The following HS6ST2 variants were observed in gnomAD, a reference collection of about 807,000 sequenced individuals.
HS6ST2 encodes the protein heparan-sulfate 6-O-sulfotransferase 2.
HS6ST2 carries 17 observed loss-of-function variants against 33.0 expected under a neutral mutation model. That is an observed-to-expected ratio of 0.52 (90% confidence interval 0.35 to 0.77). The LOEUF (loss-of-function observed/expected upper bound fraction) is 0.77. Ranked by LOEUF, HS6ST2 falls within the 30% of genes least tolerant of loss-of-function variation. The pLI, the probability that HS6ST2 is intolerant of heterozygous loss-of-function variation, is 0.01. For synonymous variants in HS6ST2, 248 were observed against 237.1 expected (o/e 1.05, Z -0.42); for missense variants, 519 against 551.7 (o/e 0.94, Z 0.59).
intron 3 of HS6ST2, among the ~76,000 whole-genome samples, chrX:132,671,038 T>C (rs754613351): frequency 8.9e-6 from 1 of 111,920 alleles, no homozygotes; most frequent in Non-Finnish European, 1.9e-5. Context: ...CTCACCAGAA[T>C]GTGGCCACAT....
chrX:132,684,939 G>A (rs1352018132), intron 3 of HS6ST2, among the ~76,000 whole-genome samples: 1 of 111,560 alleles, frequency 9.0e-6, no homozygotes. Context: ...CTATTCCTGG[G>A]AACAGGGCAT....
intron 2 of HS6ST2, among the ~76,000 whole-genome samples, chrX:132,890,836 C>T (rs945122216): frequency 9.0e-6 from 1 of 110,879 alleles, no homozygotes; most frequent in African/African-American, 3.3e-5. Flanking sequence ...GTACTTCTGC[C>T]TGGGCTTTGG....
At chrX:132,798,794 C>G (rs1165996234) in intron 2 of HS6ST2, among the ~76,000 whole-genome samples, 2 of 111,556 alleles carry the variant, frequency 1.8e-5, no homozygotes, top group Admixed American at 1.9e-4. Flanking sequence ...CTACAATGTC[C>G]CAAGCTCTCA....
At chrX:132,881,495 G>GC (rs1556484062) in intron 2 of HS6ST2, among the ~76,000 whole-genome samples, 2 of 110,512 alleles carry the variant, frequency 1.8e-5, no homozygotes, top group Non-Finnish European at 3.8e-5. Flanking sequence ...TTGTAAATTT[G>GC]TTGAGTTCTT....
At chrX:132,772,318 C>T (rs1452509903) in intron 2 of HS6ST2, among the ~76,000 whole-genome samples, 1 of 110,293 alleles carries the variant, frequency 9.1e-6, no homozygotes, top group Non-Finnish European at 1.9e-5. Context: ...TTGTGACCAC[C>T]ACACTCTAAA....
intron 2 of HS6ST2, 93 bp from the exon 3 acceptor site, chrX:132,708,587 A>G: frequency 1.3e-6 from 1 of 799,523 alleles, no homozygotes; most frequent in South Asian, 2.3e-5. Context: ...TTAAGAGCAT[A>G]TTTCTCCAGC....
intron 2 of HS6ST2, among the ~76,000 whole-genome samples, chrX:132,723,648 C>T (rs1395744405): frequency 1.8e-5 from 2 of 111,707 alleles, no homozygotes; most frequent in African/African-American, 6.5e-5. Context: ...CCTCAAAAAA[C>T]TGGGTATACA....
At chrX:132,775,698 C>T (rs1386153505) in intron 2 of HS6ST2, among the ~76,000 whole-genome samples, 1 of 111,753 alleles carries the variant, frequency 8.9e-6, no homozygotes, top group Non-Finnish European at 1.9e-5. Context: ...CTCAGATTCA[C>T]TGAACAGAAC....
chrX:132,818,291 C>T (rs1222074180), intron 2 of HS6ST2, among the ~76,000 whole-genome samples: 1 of 111,167 alleles, frequency 9.0e-6, no homozygotes, highest in Non-Finnish European at 1.9e-5. Context: ...TGACCCACCA[C>T]TTACTGTTTG....
chrX:132,715,347 A>G (rs1028041940), intron 2 of HS6ST2, among the ~76,000 whole-genome samples: 4 of 111,829 alleles, frequency 3.6e-5, no homozygotes, highest in African/African-American at 9.8e-5. Flanking sequence ...AGGCAGGAGG[A>G]GCGGCTTGAG....
chrX:132,638,911 G>A (rs2063580805), intron 4 of HS6ST2, among the ~76,000 whole-genome samples: 1 of 112,397 alleles, frequency 8.9e-6, no homozygotes, highest in African/African-American at 3.2e-5. Flanking sequence ...GACCAGTTCT[G>A]TGTATATAAA....
intron 2 of HS6ST2, among the ~76,000 whole-genome samples, chrX:132,836,251 C>CGACT (rs2065643055): frequency 8.9e-6 from 1 of 112,381 alleles, no homozygotes; most frequent in Admixed American, 9.4e-5. Flanking sequence ...TGTGGCATCA[C>CGACT]ATAGTCCTCG....
chrX:132,953,709 T>C (rs999565026), intron 2 of HS6ST2, among the ~76,000 whole-genome samples: 1 of 111,804 alleles, frequency 8.9e-6, no homozygotes, highest in Non-Finnish European at 1.9e-5. Context: ...ACAAAACCTA[T>C]CCCCAGTGAA....
intron 2 of HS6ST2, among the ~76,000 whole-genome samples, chrX:132,905,388 T>A (rs1247878252): frequency 8.9e-6 from 1 of 112,476 alleles, no homozygotes; most frequent in Non-Finnish European, 1.9e-5. Context: ...TTTTCATAAA[T>A]CTGGAATTTA....
chrX:132,877,725 A>G (rs2066121905), intron 2 of HS6ST2, among the ~76,000 whole-genome samples: 1 of 111,465 alleles, frequency 9.0e-6, no homozygotes, highest in Admixed American at 9.6e-5. Context: ...GCTTTTCTCA[A>G]GCATCTGCTA....
intron 4 of HS6ST2, among the ~76,000 whole-genome samples, chrX:132,642,390 T>A (rs1014068166): frequency 9.0e-6 from 1 of 111,158 alleles, no homozygotes. Context: ...TTTAATGAGC[T>A]CTAATATTGC....
chrX:132,927,161 C>T (rs1489514719), intron 2 of HS6ST2, among the ~76,000 whole-genome samples: 1 of 110,844 alleles, frequency 9.0e-6, no homozygotes, highest in African/African-American at 3.3e-5. Flanking sequence ...TCATCCCTAC[C>T]ATCTATATCT....
chrX:132,733,324 A>C (rs1378551912), intron 2 of HS6ST2, among the ~76,000 whole-genome samples: 1 of 110,212 alleles, frequency 9.1e-6, no homozygotes, highest in Non-Finnish European at 1.9e-5. Flanking sequence ...TATATTGTTA[A>C]GTGAAAATAA....
chrX:132,865,922 T>G (rs985888627), intron 2 of HS6ST2, among the ~76,000 whole-genome samples: 1 of 111,994 alleles, frequency 8.9e-6, no homozygotes, highest in East Asian at 2.8e-4. Flanking sequence ...TCTCCCATTT[T>G]GTAGGTTGCC....
Sources: gnomAD v4.1 joint callset for allele counts (sites outside exome capture counted in the v4.1 genomes callset) on GRCh38, gnomAD v4.1.1 for gene constraint, MANE v1.5 for transcripts, NCBI Gene and HGNC (gene_info 2026-07-23, HGNC 2026-07-21) for gene names.